The following RP1L1 variants were observed in gnomAD, a reference collection of about 807,000 sequenced individuals.
The protein encoded by RP1L1 is RP1 like 1.
In RP1L1, 27 loss-of-function variants were observed where a neutral mutation model predicts 15.7. The observed-to-expected ratio is 1.72, with a 90% CI of 1.27 to 2.38. The LOEUF (loss-of-function observed/expected upper bound fraction) is 2.38, where lower values mean the gene tolerates loss of function less well. Ranked by LOEUF, RP1L1 falls within the 30% of genes most tolerant of loss-of-function variation. The pLI is 0.00. For synonymous variants in RP1L1, 1,813 were observed against 1,276.7 expected (o/e 1.42, Z -8.96); for missense variants, 4,798 against 3,075.9 (o/e 1.56, Z -13.24).
chr8:10,616,536 C>T lies in RP1L1; in HGVS notation c.661G>A (p.Gly221Arg), dbSNP rs767095509. 17 of 1,613,922 alleles carry T rather than the reference C, an allele frequency of 1.1e-5. No individual in the cohort carries two copies. Among genetic ancestry groups the T allele is most frequent in the Admixed American group, 5.0e-5 (3 of 60,008 alleles). ...GCTGGGGTTCTGAAGGCCTCATGCC[C>T]GGCACACACCAGCACAGAGGGGCTG... ...LHSPSVLVCA[G>R]HEAFRTPAMK... is the part of the protein sequence containing the mutation. Residue 221 changes from glycine to arginine, a missense_variant, in exon 3 of 4, where the codon GGG (glycine) becomes AGG (arginine). By Grantham distance (125) the Gly-to-Arg change is moderately radical. Coordinates refer to ENST00000382483, the MANE Select transcript of RP1L1 (RefSeq NM_178857.6).
chr8:10,611,354 T>C lies in RP1L1; in HGVS notation c.2744A>G (p.Gln915Arg), dbSNP rs761404052. The stretch of plus-strand genomic sequence containing the variant: ...GGACAGCCCCCGAGACCCCGCACCC[T>C]GGCTGGCACTGCTTCTCCTTGATGC... ...SGASRRSSAS[Q>R]GAGSRGLSEE... The change falls in exon 4 of 4, where the codon CAG becomes CGG. Residue 915 changes from glutamine to arginine, a missense_variant. By Grantham distance (43) the Gln-to-Arg change is conservative. Transcript: ENST00000382483. 1.9e-6 allele frequency: 3 copies of C among 1,611,044 alleles called. No individual in the cohort carries two copies. Among genetic ancestry groups the C allele is most frequent in the East Asian group, 2.2e-5 (1 of 44,808 alleles).
chr8:10,651,191 G>A (rs1392800609), intron 1 of RP1L1, among the ~76,000 whole-genome samples: 1 of 152,144 alleles, frequency 6.6e-6, no homozygotes, highest in Admixed American at 6.6e-5. Flanking sequence ...TGTAGGTCTT[G>A]GGCCTGCAGT....
Position 10,611,119 on chromosome 8 carries a change from G to A in RP1L1, c.2979C>T (p.Asp993=). ...CTTCCAGAGAATGGTCATCCCCAGG[G>A]TCCACCTCGGGGCCTCTCAGGCCAC... ...AGGGLRGPEV[D]PGDDHSLEGL... Residue 993 remains aspartate, a synonymous_variant, in exon 4 of 4, where the codon GAC becomes GAT. Transcript: ENST00000382483. The A allele has an allele frequency of 6.2e-7, 1 of 1,612,894 alleles. No homozygotes were observed. The highest frequency in any genetic ancestry group is 8.5e-7 in the Non-Finnish European group (1 of 1,180,018).
At chr8:10,626,605 T>C (rs893582033) in intron 1 of RP1L1, among the ~76,000 whole-genome samples, 8 of 152,104 alleles carry the variant, frequency 5.3e-5, no homozygotes, top group African/African-American at 1.9e-4. Context: ...AGCACTGGTA[T>C]TTTACAAACC....
In RP1L1 at chr8:10,611,643, C is replaced by T. The variant is rs769967544; in HGVS notation, c.2455G>A (p.Gly819Ser). ...QVGRPEQGAV[G>S]PHRSHCCSQP... ...GAGCAGCAGTGGCTTCGGTGGGGGC[C>T]CACCGCCCCTTGCTCAGGCCGTCCA... Residue 819 changes from glycine (G) to serine (S), a missense_variant, in exon 4 of 4, where the codon GGC becomes AGC. Gly to Ser is a moderately conservative substitution (Grantham distance 56). Transcript: ENST00000382483. The T allele has an allele frequency of 3.7e-6, 6 of 1,612,840 alleles. No individual in the cohort carries two copies. The highest frequency in any genetic ancestry group is 2.2e-5 in the South Asian group (2 of 91,086).
In RP1L1 at chr8:10,619,772, CA is replaced by C. The variant is rs146499096; in HGVS notation, c.609+2820del. 2.6e-4 allele frequency among the ~76,000 whole-genome samples: 39 copies of C among 151,190 alleles called. No homozygotes were observed. The South Asian group carries it at 5.2e-3, about 20-fold the overall frequency. On this transcript the variant is annotated intron_variant, in intron 2 of 3. Coordinates refer to ENST00000382483, the MANE Select transcript of RP1L1 (RefSeq NM_178857.6). ...TGAAACCGCATCTCTACTAAAAATA[CA>C]AAAAAAACCCAAAACAAACAACAAC...
At chr8:10,630,104 C>G (rs1798218631) in intron 1 of RP1L1, among the ~76,000 whole-genome samples, 1 of 152,234 alleles carries the variant, frequency 6.6e-6, no homozygotes, top group South Asian at 2.1e-4. Context: ...GTCAAGAGGG[C>G]TTAGCTGGGC....
rs183052271 is a variant in RP1L1, at chr8:10,625,793, C to G, written c.-19-2573G>C. 3.9e-5 allele frequency among the ~76,000 whole-genome samples: 6 copies of G among 152,202 alleles called. No individual in the cohort carries two copies. In the East Asian group the frequency reaches 1.2e-3, roughly 30 times the overall value. On this transcript the variant is annotated intron_variant, in intron 1 of 3. Coordinates refer to ENST00000382483, the MANE Select transcript of RP1L1 (RefSeq NM_178857.6). ...AGCTGTGGTGGGTGGTCTCAGTGAG[C>G]ACAGAGACCGAGGGATCCACCCCTG...
rs748701232 is a variant in RP1L1 at position 10,609,127 on chromosome 8, A to T, written c.4971T>A (p.Cys1657Ter). 5.6e-6 allele frequency: 9 copies of T among 1,613,496 alleles called. No individual in the cohort carries two copies. Among genetic ancestry groups the T allele is most frequent in the Non-Finnish European group, 7.6e-6 (9 of 1,179,738 alleles). Reference protein sequence around the residue: ...LGEEAEGEEFCPCEACVRKKV... With the variant: ...LGEEAEGEEF The stretch of plus-strand genomic sequence containing the variant: ...TCTTCCTCACGCAGGCCTCGCAGGG[A>T]CAGAACTCCTCCCCCTCCGCCTCCT... Residue 1657 changes from cysteine (C) to a stop codon, truncating the protein, a stop_gained, in exon 4 of 4, where the codon TGT (cysteine) becomes TGA (stop). Coordinates refer to ENST00000382483, the MANE Select transcript of RP1L1 (RefSeq NM_178857.6). LOFTEE classifies it low-confidence loss of function (END_TRUNC).
intron 1 of RP1L1, among the ~76,000 whole-genome samples, chr8:10,640,242 T>C (rs550788960): frequency 1.3e-4 from 20 of 152,356 alleles, no homozygotes; most frequent in African/African-American, 4.6e-4. Context: ...TCAGGCCTCG[T>C]CTACCTCACT....
At chr8:10,621,990 C>T (rs1460677366) in intron 2 of RP1L1, among the ~76,000 whole-genome samples, 1 of 152,104 alleles carries the variant, frequency 6.6e-6, no homozygotes, top group Non-Finnish European at 1.5e-5. Context: ...TACACTGAAC[C>T]CCTGCAATAA....
chr8:10,612,450 C>T lies in RP1L1; in HGVS notation c.1648G>A (p.Gly550Arg), dbSNP rs1395798175. ...TTGCCTGGACAGCCCTGGGGCCGCC[C>T]ACCCCATTCGCTGGATCCCTCATGA... ...GSHEGSSEWGGRPQGCPGKAR... is the reference protein window; with the variant it reads ...GSHEGSSEWGRRPQGCPGKAR... Residue 550 changes from glycine (G) to arginine (R), a missense_variant, in exon 4 of 4, where the codon GGG (glycine) becomes AGG (arginine). Physicochemically the swap from Gly to Arg is moderately radical, Grantham distance 125. Transcript: ENST00000382483. 1 of 1,612,724 alleles carries T rather than the reference C, an allele frequency of 6.2e-7. No homozygotes were observed. The highest frequency in any genetic ancestry group is 8.5e-7 in the Non-Finnish European group (1 of 1,180,004).
In RP1L1 at chr8:10,623,087, G is replaced by C. The variant is rs756691053; in HGVS notation, c.115C>G (p.Leu39Val). Residue 39 changes from leucine to valine, a missense_variant, in exon 2 of 4, where the codon CTC becomes GTC. Transcript: ENST00000382483. ...GCAAACCGTGGATCCCCTCGCTTGAGGAAGGTGATCTTCTTGGCTGGCGTG... is the reference window on the plus strand; with the variant it reads ...GCAAACCGTGGATCCCCTCGCTTGACGAAGGTGATCTTCTTGGCTGGCGTG... ...KVTPAKKITF[L>V]KRGDPRFAGV... The C allele has an allele frequency of 1.2e-6, 2 of 1,614,032 alleles. No individual in the cohort carries two copies. Among genetic ancestry groups the C allele is most frequent in the Non-Finnish European group, 1.7e-6 (2 of 1,180,004 alleles).
At chr8:10,616,322 C>A in intron 3 of RP1L1, 124 bp downstream of exon 3, 1 of 1,265,568 alleles carries the variant, frequency 7.9e-7, no homozygotes, top group East Asian at 2.3e-5. Context: ...CCCAAAATGA[C>A]TGGGATACCC....
chr8:10,636,589 G>A (rs901877285), intron 1 of RP1L1, among the ~76,000 whole-genome samples: 2 of 152,022 alleles, frequency 1.3e-5, no homozygotes, highest in African/African-American at 4.8e-5. Flanking sequence ...CGGCCTCCTC[G>A]GATGAAAGGC....
At chr8:10,654,216 C>A (rs957345555) in intron 1 of RP1L1, among the ~76,000 whole-genome samples, 1 of 152,160 alleles carries the variant, frequency 6.6e-6, no homozygotes, top group Non-Finnish European at 1.5e-5. Context: ...GGGGGGATGT[C>A]ATTACCATAA....
At chr8:10,643,188 A>G (rs1798431648) in intron 1 of RP1L1, among the ~76,000 whole-genome samples, 1 of 152,068 alleles carries the variant, frequency 6.6e-6, no homozygotes, top group Non-Finnish European at 1.5e-5. Context: ...AAAAACACAA[A>G]AGTTAGGTGG....
chr8:10,607,220 C>T lies in RP1L1; in HGVS notation c.6878G>A (p.Gly2293Asp), dbSNP rs780247915. The change falls in exon 4 of 4, where the codon GGC becomes GAC. Residue 2293 changes from glycine to aspartate, a missense_variant. Gly to Asp is a moderately conservative substitution (Grantham distance 94). Transcript: ENST00000382483. The part of the protein sequence containing the change: ...PGGDTPHQRP[G>D]SQTGPSSSRA... ...GGAGGAGGAAGGGCCTGTTTGGGAG[C>T]CTGGCCTTTGGTGGGGAGTGTCTCC... 1 of 1,614,168 alleles carries T rather than the reference C, an allele frequency of 6.2e-7. No individual in the cohort carries two copies. Among genetic ancestry groups the T allele is most frequent in the East Asian group, 2.2e-5 (1 of 44,878 alleles).
At position 10,611,724 on chromosome 8, in the gene RP1L1, G is replaced by C. The variant is rs199911505; in HGVS notation, c.2374C>G (p.Leu792Val). The C allele has an allele frequency of 4.0e-5, 64 of 1,613,594 alleles. No homozygotes were observed. In the Admixed American group the frequency reaches 1.0e-3, roughly 26 times the overall value. The change falls in exon 4 of 4, where the codon CTG becomes GTG. Residue 792 changes from leucine (L) to valine (V), a missense_variant. Physicochemically the swap from Leu to Val is conservative, Grantham distance 32. Transcript: ENST00000382483. Reference protein sequence around the residue: ...DSCSKSGAASLGEEARDTPQP... With the variant: ...DSCSKSGAASVGEEARDTPQP... ...GGCGTGTCCCTGGCCTCTTCCCCCAGGCTGGCAGCCCCAGATTTTGAGCAG... is the reference window on the plus strand; with the variant it reads ...GGCGTGTCCCTGGCCTCTTCCCCCACGCTGGCAGCCCCAGATTTTGAGCAG...
Sources: allele counts gnomAD v4.1 joint callset (sites outside exome capture counted in the v4.1 genomes callset), GRCh38; gene constraint gnomAD v4.1.1; transcripts MANE v1.5; gene names NCBI Gene and HGNC (gene_info 2026-07-23, HGNC 2026-07-21).